CCDC191: variants seen among roughly 807,000 people sequenced by gnomAD.
CCDC191 encodes coiled-coil domain containing 191.
A neutral mutation model predicts 114.0 loss-of-function variants in CCDC191; 99 were observed. The observed-to-expected ratio is 0.87, with a 90% CI of 0.74 to 1.03. The LOEUF is 1.03. Ranked by LOEUF, CCDC191 falls within the 50% of genes least tolerant of loss-of-function variation. The pLI is 0.00. For synonymous variants in CCDC191, 351 were observed against 376.0 expected (o/e 0.93, Z 0.77); for missense variants, 973 against 1,087.0 (o/e 0.90, Z 1.47).
chr3:114,018,962 A>G, intron 7 of CCDC191, 94 bp from the exon 8 acceptor site: 1 of 1,081,338 alleles, frequency 9.2e-7, no homozygotes. Flanking sequence ...TTCCCCTCAC[A>G]CTTTTAAAAA....
intron 2 of CCDC191, among the ~76,000 whole-genome samples, chr3:114,047,809 T>C (rs2076650083): frequency 6.6e-6 from 1 of 150,930 alleles, no homozygotes; most frequent in Non-Finnish European, 1.5e-5. Flanking sequence ...ACCCTGTATC[T>C]ACTAAAAATA....
Position 113,970,788 on chromosome 3 carries a change from A to G in CCDC191, c.2607-5429T>C, listed in dbSNP as rs182852809. Among the ~76,000 whole-genome samples the G allele has an allele frequency of 1.9e-3, 288 of 152,064 alleles. 2 individuals carry two copies. Among genetic ancestry groups the G allele is most frequent in the African/African-American group, 6.6e-3 (274 of 41,458 alleles). ...TGTGTCCATGTGTTCTCATTGTCCA[A>G]TTCCCACCTATGAGTGAGAACATGC... On this transcript the variant is annotated intron_variant, in intron 16 of 16. Transcript: ENST00000295878.
intron 13 of CCDC191, among the ~76,000 whole-genome samples, chr3:113,987,050 G>A (rs1427298250): frequency 6.6e-6 from 1 of 151,212 alleles, no homozygotes; most frequent in African/African-American, 2.4e-5. Context: ...AAGAAAGAAA[G>A]GTAAGAATTA....
chr3:113,991,351 A>G (rs972549254), intron 13 of CCDC191, among the ~76,000 whole-genome samples: 2 of 151,336 alleles, frequency 1.3e-5, no homozygotes, highest in South Asian at 4.2e-4. Flanking sequence ...AGTGGAGTTC[A>G]TCTCAGGAAG....
chr3:114,002,661 G>A, intron 11 of CCDC191, 123 bp from the exon 12 acceptor site: 1 of 1,254,716 alleles, frequency 8.0e-7, no homozygotes, highest in Non-Finnish European at 1.1e-6. Context: ...CTTGTAAGTT[G>A]AATGTTCACA....
At chr3:114,013,189 T>C (rs1209334745) in intron 8 of CCDC191, among the ~76,000 whole-genome samples, 4 of 151,274 alleles carry the variant, frequency 2.6e-5, no homozygotes, top group Non-Finnish European at 4.4e-5. Flanking sequence ...GAAATTGCAG[T>C]GAGCCGAGAT....
chr3:113,987,934 C>T (rs928925414), intron 13 of CCDC191, among the ~76,000 whole-genome samples: 1 of 150,642 alleles, frequency 6.6e-6, no homozygotes, highest in Non-Finnish European at 1.5e-5. Context: ...CCCAGCTGTT[C>T]GGGAGGCTGA....
intron 7 of CCDC191, among the ~76,000 whole-genome samples, chr3:114,027,618 A>T (rs577430407): frequency 6.1e-5 from 9 of 148,758 alleles, no homozygotes; most frequent in African/African-American, 2.0e-4. Flanking sequence ...AAAAAAAAAA[A>T]AAAAGAAAAA....
chr3:113,967,928 G>A (rs1940382107), intron 16 of CCDC191, among the ~76,000 whole-genome samples: 1 of 152,128 alleles, frequency 6.6e-6, no homozygotes, highest in African/African-American at 2.4e-5. Flanking sequence ...TTAACACAGT[G>A]ACCTCCAGTT....
chr3:114,036,301 A>G (rs944059667), intron 5 of CCDC191, among the ~76,000 whole-genome samples: 3 of 152,304 alleles, frequency 2.0e-5, no homozygotes, highest in African/African-American at 7.2e-5. Flanking sequence ...TCAAGCACAC[A>G]CAATCTACGT....
At chr3:113,975,096 T>C (rs1043199459) in intron 16 of CCDC191, among the ~76,000 whole-genome samples, 3 of 152,204 alleles carry the variant, frequency 2.0e-5, no homozygotes, top group African/African-American at 7.2e-5. Flanking sequence ...ATGCATTTTC[T>C]GGGGTGTAGG....
intron 13 of CCDC191, among the ~76,000 whole-genome samples, chr3:113,982,369 G>A: frequency 6.6e-6 from 1 of 152,214 alleles, no homozygotes; most frequent in Middle Eastern, 3.4e-3. Context: ...AGAACTGGTT[G>A]TATTTCATTA....
At chr3:113,996,271 T>C (rs1354554358) in intron 13 of CCDC191, among the ~76,000 whole-genome samples, 1 of 152,220 alleles carries the variant, frequency 6.6e-6, no homozygotes, top group Non-Finnish European at 1.5e-5. Flanking sequence ...TAATCCATCT[T>C]GAGTTAATTT....
intron 13 of CCDC191, among the ~76,000 whole-genome samples, chr3:113,992,494 G>A (rs1019951563): frequency 2.0e-5 from 3 of 152,060 alleles, no homozygotes; most frequent in African/African-American, 7.2e-5. Flanking sequence ...TAAGGAGATT[G>A]AATGAGTAAT....
At chr3:114,017,134 C>T (rs1287521143) in intron 8 of CCDC191, among the ~76,000 whole-genome samples, 2 of 148,620 alleles carry the variant, frequency 1.3e-5, no homozygotes, top group African/African-American at 5.0e-5. Flanking sequence ...CCAAAGACTA[C>T]CTTAACTCCA....
intron 4 of CCDC191, among the ~76,000 whole-genome samples, chr3:114,038,508 A>C (rs1368093437): frequency 6.6e-6 from 1 of 152,196 alleles, no homozygotes; most frequent in East Asian, 1.9e-4. Context: ...TTCTTTATCC[A>C]GTTTATCACT....
Position 113,965,244 on chromosome 3 carries a change from G to A in CCDC191, c.2722C>T (p.Pro908Ser), listed in dbSNP as rs201146772. ...TACCTTCCAGGTACCTGGAAGTCTG[G>A]AAGAATTTCAACTACCTTCCTACGA... ...QLRRKVVEIL[P>S]DFQVPGRYHE... The change falls in exon 17 of 17, where the codon CCA (proline) becomes TCA (serine). Residue 908 changes from proline to serine, a missense_variant. Transcript: ENST00000295878. 4 of 1,611,974 alleles carry A rather than the reference G, an allele frequency of 2.5e-6. No individual in the cohort carries two copies. In the East Asian group the frequency reaches 8.9e-5, roughly 36 times the overall value.
chr3:113,980,894 G>T, intron 13 of CCDC191, 101 bp from the exon 14 acceptor site: 1 of 1,083,792 alleles, frequency 9.2e-7, no homozygotes, highest in Non-Finnish European at 1.3e-6. Context: ...ACCATTGAAT[G>T]GTGTGTTAAT....
At chr3:113,997,533 G>T (rs11926807) in intron 13 of CCDC191, among the ~76,000 whole-genome samples, 36,278 of 151,882 alleles carry the variant, frequency 0.24, 4,763 homozygotes, top group Middle Eastern at 0.37. Flanking sequence ...TGAGGGCAGG[G>T]CAATGAAAAA....
Sources: gnomAD v4.1 joint callset for allele counts (sites outside exome capture counted in the v4.1 genomes callset) on GRCh38, gnomAD v4.1.1 for gene constraint, MANE v1.5 for transcripts, NCBI Gene and HGNC (gene_info 2026-07-23, HGNC 2026-07-21) for gene names.